Variants in SLC30A8 observed in about 807,000 individuals in gnomAD.
SLC30A8 encodes proton-coupled zinc antiporter SLC30A8.
Under a neutral mutation model 36.9 loss-of-function variants are expected in SLC30A8, and 27 were observed. The observed-to-expected ratio is 0.73, with a 90% CI of 0.54 to 1.01. SLC30A8 has a LOEUF of 1.01. Ranked by LOEUF, SLC30A8 falls within the 50% of genes least tolerant of loss-of-function variation. The pLI, the probability that SLC30A8 is intolerant of heterozygous loss-of-function variation, is 0.00. For missense variants in SLC30A8, 439 were observed against 452.0 expected (o/e 0.97, Z 0.26); for synonymous variants, 164 against 172.4 (o/e 0.95, Z 0.38).
intron 2 of SLC30A8, among the ~76,000 whole-genome samples, chr8:117,150,445 TAAGTC>T (rs1387341740): frequency 6.6e-6 from 1 of 152,260 alleles, no homozygotes; most frequent in African/African-American, 2.4e-5. Flanking sequence ...CCACAGGCCT[TAAGTC>T]AAGTCTTCCA....
chr8:117,074,980 A>G (rs1443787054), intron 2 of SLC30A8, among the ~76,000 whole-genome samples: 1 of 152,022 alleles, frequency 6.6e-6, no homozygotes, highest in Non-Finnish European at 1.5e-5. Context: ...TTTTTTTCTT[A>G]AATAGGTCTA....
At chr8:117,153,137 T>C (rs752482330) in intron 3 of SLC30A8, 47 bp downstream of exon 3, 2 of 1,486,846 alleles carry the variant, frequency 1.3e-6, no homozygotes, top group Admixed American at 2.0e-5. Context: ...TGCTGCAAAG[T>C]CAAACCAAGG....
At chr8:117,045,138 C>T (rs1362387937) in intron 2 of SLC30A8, among the ~76,000 whole-genome samples, 1 of 152,168 alleles carries the variant, frequency 6.6e-6, no homozygotes, top group African/African-American at 2.4e-5. Flanking sequence ...TTGATGGAAC[C>T]ACGATTTGAC....
intron 1 of SLC30A8, among the ~76,000 whole-genome samples, chr8:117,006,533 T>G (rs1816175543): frequency 6.6e-6 from 1 of 152,154 alleles, no homozygotes. Flanking sequence ...GGAGTTCCAT[T>G]CCTATTCCTA....
chr8:117,083,985 G>A (rs939496368), intron 2 of SLC30A8, among the ~76,000 whole-genome samples: 4 of 151,960 alleles, frequency 2.6e-5, no homozygotes, highest in South Asian at 2.1e-4. Context: ...GAGCTTTGCC[G>A]CCCCAAGATA....
intron 2 of SLC30A8, among the ~76,000 whole-genome samples, chr8:117,084,206 G>A (rs992315950): frequency 6.6e-5 from 10 of 152,038 alleles, no homozygotes; most frequent in East Asian, 3.9e-4. Context: ...GGGGACAAGC[G>A]GAGAAGAGGA....
At chr8:117,084,149 A>G (rs1462869508) in intron 2 of SLC30A8, among the ~76,000 whole-genome samples, 2 of 152,090 alleles carry the variant, frequency 1.3e-5, no homozygotes, top group Non-Finnish European at 2.9e-5. Context: ...AAGGCTCCTT[A>G]TTTTTCTGTT....
chr8:117,119,029 C>T (rs1820573034), intron 2 of SLC30A8, among the ~76,000 whole-genome samples: 1 of 151,814 alleles, frequency 6.6e-6, no homozygotes, highest in Non-Finnish European at 1.5e-5. Context: ...AAGTTAGCCT[C>T]CTTTTGTTTG....
At chr8:117,000,047 A>T (rs1211716055) in intron 1 of SLC30A8, among the ~76,000 whole-genome samples, 1 of 152,170 alleles carries the variant, frequency 6.6e-6, no homozygotes, top group Non-Finnish European at 1.5e-5. Flanking sequence ...ACGTGCTTCC[A>T]CTTACAGTAG....
At chr8:116,965,608 G>C (rs1003027250) in intron 1 of SLC30A8, among the ~76,000 whole-genome samples, 1 of 152,058 alleles carries the variant, frequency 6.6e-6, no homozygotes, top group Non-Finnish European at 1.5e-5. Flanking sequence ...GGATTTTGAG[G>C]GGCTTCCCAT....
intron 1 of SLC30A8, among the ~76,000 whole-genome samples, chr8:117,005,648 C>G (rs770122488): frequency 6.6e-6 from 1 of 152,144 alleles, no homozygotes; most frequent in Non-Finnish European, 1.5e-5. Flanking sequence ...AGGAACTGCC[C>G]GAGTGTTTTC....
upstream of SLC30A8, chr8:116,950,391 T>C (rs868133971): frequency 3.3e-5 from 5 of 152,374 alleles, no homozygotes; most frequent in Middle Eastern, 0.014. Flanking sequence ...CTGCGGTAAA[T>C]GTTCTAATTA....
At chr8:117,058,419 C>A (rs1304430831) in intron 2 of SLC30A8, among the ~76,000 whole-genome samples, 2 of 152,040 alleles carry the variant, frequency 1.3e-5, no homozygotes, top group Non-Finnish European at 2.9e-5. Flanking sequence ...GCTTTTATTG[C>A]CTGTGCTTTT....
chr8:117,121,028 TACTC>T (rs1435817639), intron 2 of SLC30A8, among the ~76,000 whole-genome samples: 2 of 151,774 alleles, frequency 1.3e-5, no homozygotes, highest in African/African-American at 2.4e-5. Flanking sequence ...TTGGAACCCT[TACTC>T]ACAGTCACTG....
At chr8:116,956,638 T>C (rs1814214976) in intron 1 of SLC30A8, among the ~76,000 whole-genome samples, 1 of 152,184 alleles carries the variant, frequency 6.6e-6, no homozygotes, top group African/African-American at 2.4e-5. Flanking sequence ...CATAAAAAAA[T>C]CAATTGGATA....
chr8:116,985,955 G>T (rs1815428861), intron 1 of SLC30A8, among the ~76,000 whole-genome samples: 2 of 152,254 alleles, frequency 1.3e-5, no homozygotes, highest in South Asian at 4.1e-4. Flanking sequence ...AAATAAAAAA[G>T]ATGCTTCTGA....
intron 1 of SLC30A8, among the ~76,000 whole-genome samples, chr8:117,031,529 C>T (rs1214418647): frequency 2.0e-5 from 3 of 151,564 alleles, no homozygotes; most frequent in Non-Finnish European, 4.4e-5. Flanking sequence ...GGCGCCATCT[C>T]GGCTCATTGC....
At chr8:117,130,302 G>GAA (rs1384095488), upstream of SLC30A8, 4 of 152,098 alleles carry the variant, frequency 2.6e-5, no homozygotes, top group African/African-American at 7.2e-5. Flanking sequence ...TCTCCTGAGA[G>GAA]AAAGTATTGT....
In SLC30A8 at chr8:117,114,307, A is replaced by G. The variant is rs571479876; in HGVS notation, c.-225-20973A>G. Among the ~76,000 whole-genome samples, 3 of 152,206 alleles carry G rather than the reference A, an allele frequency of 2.0e-5. No homozygotes were observed. The East Asian group carries it at 5.8e-4, about 29-fold the overall frequency. ...ATTGACAAGGACCATCACTGAACCC[A>G]TACCTTCCTGTCTATATATCCCCTT... On this transcript the variant is annotated intron_variant, in intron 2 of 10. Transcript: ENST00000427715.
Sources: gnomAD v4.1 joint callset for allele counts (sites outside exome capture counted in the v4.1 genomes callset) on GRCh38, gnomAD v4.1.1 for gene constraint, MANE v1.5 for transcripts, NCBI Gene and HGNC (gene_info 2026-07-23, HGNC 2026-07-21) for gene names.